Variants in LRFN5 observed in about 807,000 individuals in gnomAD.
The protein encoded by LRFN5 is leucine-rich repeat and fibronectin type-III domain-containing protein 5.
In LRFN5, 24 loss-of-function variants were observed where a neutral mutation model predicts 45.6. The observed-to-expected ratio is 0.53, with a 90% confidence interval of 0.38 to 0.74. The LOEUF (loss-of-function observed/expected upper bound fraction) is 0.74. Ranked by LOEUF, LRFN5 falls within the 30% of genes least tolerant of loss-of-function variation. The pLI, the probability that LRFN5 is intolerant of heterozygous loss-of-function variation, is 0.00. For synonymous variants in LRFN5, 340 were observed against 313.8 expected (o/e 1.08, Z -0.88); for missense variants, 776 against 861.5 (o/e 0.90, Z 1.24).
intron 2 of LRFN5, among the ~76,000 whole-genome samples, chr14:41,788,510 C>G (rs777320395): frequency 2.6e-5 from 4 of 151,688 alleles, no homozygotes; most frequent in Non-Finnish European, 5.9e-5. Context: ...TCTGCCTTTC[C>G]TCTATTTACA....
intron 1 of LRFN5, among the ~76,000 whole-genome samples, chr14:41,659,456 G>A (rs959445453): frequency 2.6e-5 from 4 of 152,062 alleles, no homozygotes; most frequent in African/African-American, 9.7e-5. Flanking sequence ...TATCATTGAT[G>A]GGCATTTGGG....
chr14:41,781,707 AAAG>A (rs1444589004), intron 2 of LRFN5, among the ~76,000 whole-genome samples: 1 of 150,680 alleles, frequency 6.6e-6, no homozygotes, highest in African/African-American at 2.4e-5. Context: ...AGAGAAAGAA[AAAG>A]AGAGAGAGGA....
chr14:41,886,887 A>C lies in LRFN5; in HGVS notation c.262A>C (p.Ser88Arg). The change falls in exon 3 of 6, where the codon AGT becomes CGT. Residue 88 changes from serine (S) to arginine (R), a missense_variant. Ser to Arg is a moderately radical substitution (Grantham distance 110). This residue lies in a region of LRFN5 where 311 missense variants were observed against 405.1 expected (regional missense o/e 0.77). Coordinates refer to ENST00000298119, the MANE Select transcript of LRFN5 (RefSeq NM_152447.5). ...VDLTLSRNTI[S>R]FITPHAFADL... The stretch of plus-strand genomic sequence containing the variant: ...CCTGACTCTATCCAGGAATACAATA[A>C]GTTTTATTACACCTCATGCTTTCGC... The C allele has an allele frequency of 1.2e-6, 2 of 1,614,212 alleles. No homozygotes were observed. The highest frequency in any genetic ancestry group is 8.5e-7 in the Non-Finnish European group (1 of 1,180,026).
intron 2 of LRFN5, among the ~76,000 whole-genome samples, chr14:41,820,052 C>A (rs1888060854): frequency 6.6e-6 from 1 of 150,952 alleles, no homozygotes; most frequent in Admixed American, 6.6e-5. Context: ...CAAATATGTT[C>A]TCCCATTCTG....
At chr14:41,764,032 A>C (rs969362465) in intron 1 of LRFN5, among the ~76,000 whole-genome samples, 2 of 152,210 alleles carry the variant, frequency 1.3e-5, no homozygotes, top group African/African-American at 4.8e-5. Flanking sequence ...TCAACAAAAA[A>C]AAATCTTTGT....
chr14:41,827,482 T>A (rs4506804), intron 2 of LRFN5, among the ~76,000 whole-genome samples: 18 of 151,630 alleles, frequency 1.2e-4, no homozygotes, highest in Admixed American at 4.6e-4. Flanking sequence ...TTTTATTTGC[T>A]AGAGGAAATA....
chr14:41,785,143 T>C (rs1278674152), intron 2 of LRFN5, among the ~76,000 whole-genome samples: 3 of 152,154 alleles, frequency 2.0e-5, no homozygotes, highest in Non-Finnish European at 4.4e-5. Flanking sequence ...TTATATTGTT[T>C]GCATTTTTGA....
chr14:41,615,925 T>C (rs1296107917), intron 1 of LRFN5, among the ~76,000 whole-genome samples: 1 of 152,144 alleles, frequency 6.6e-6, no homozygotes, highest in Non-Finnish European at 1.5e-5. Context: ...CTCAAGCATT[T>C]ATCTTTTGAA....
At chr14:41,635,848 A>G (rs1292817918) in intron 1 of LRFN5, among the ~76,000 whole-genome samples, 2 of 152,070 alleles carry the variant, frequency 1.3e-5, no homozygotes, top group African/African-American at 2.4e-5. Context: ...TCAAGGTGTT[A>G]TTATTAGATC....
At chr14:41,823,297 G>A (rs926936649) in intron 2 of LRFN5, among the ~76,000 whole-genome samples, 11 of 151,482 alleles carry the variant, frequency 7.3e-5, no homozygotes, top group African/African-American at 1.2e-4. Flanking sequence ...ATGTTTAGAC[G>A]TCCTTTGATC....
chr14:41,769,993 G>A (rs1488874017), intron 2 of LRFN5, among the ~76,000 whole-genome samples: 1 of 152,176 alleles, frequency 6.6e-6, no homozygotes, highest in Non-Finnish European at 1.5e-5. Context: ...TGTACAGGAA[G>A]TGTGGTGGTG....
chr14:41,665,199 T>C (rs576259030), intron 1 of LRFN5, among the ~76,000 whole-genome samples: 45 of 152,128 alleles, frequency 3.0e-4, no homozygotes, highest in African/African-American at 8.9e-4. Flanking sequence ...AATTGTTTTA[T>C]GCAAGAAGGT....
intron 1 of LRFN5, among the ~76,000 whole-genome samples, chr14:41,650,875 G>A (rs1306781723): frequency 9.3e-6 from 1 of 107,366 alleles, no homozygotes; most frequent in Non-Finnish European, 1.7e-5. Flanking sequence ...AAGCAACAAA[G>A]AGACAGAGAA....
At chr14:41,728,338 G>A (rs73307207) in intron 1 of LRFN5, among the ~76,000 whole-genome samples, 6,820 of 152,122 alleles carry the variant, frequency 0.045, 340 homozygotes, top group African/African-American at 0.12. Context: ...GAAAAGACTA[G>A]ATATAATTGC....
Position 41,635,253 on chromosome 14 carries a change from T to C in LRFN5, c.-197+26691T>C, listed in dbSNP as rs112454552. Among the ~76,000 whole-genome samples the C allele has an allele frequency of 6.3e-3, 960 of 152,286 alleles. 16 individuals are homozygous for C. The highest frequency in any genetic ancestry group is 0.022 in the African/African-American group (935 of 41,562). ...GACCTAGATACAGCCTTCAAAATGA[T>C]GAAAAATTAGAATGTGCTTTTGTAT... On this transcript the variant is annotated intron_variant, in intron 1 of 5. Transcript: ENST00000298119.
At chr14:41,746,323 T>A (rs983159982) in intron 1 of LRFN5, among the ~76,000 whole-genome samples, 1 of 151,612 alleles carries the variant, frequency 6.6e-6, no homozygotes, top group Non-Finnish European at 1.5e-5. Context: ...TACAAAACAC[T>A]CAAAGAATAG....
chr14:41,686,689 A>G (rs1353334644), intron 1 of LRFN5, among the ~76,000 whole-genome samples: 1 of 152,126 alleles, frequency 6.6e-6, no homozygotes, highest in Non-Finnish European at 1.5e-5. Flanking sequence ...AATTTTATCA[A>G]AGGCATTTTC....
intron 2 of LRFN5, among the ~76,000 whole-genome samples, chr14:41,845,661 T>G (rs1889036834): frequency 6.6e-6 from 1 of 152,134 alleles, no homozygotes; most frequent in African/African-American, 2.4e-5. Context: ...TATCATATAA[T>G]GTAATTTTAA....
intron 2 of LRFN5, among the ~76,000 whole-genome samples, chr14:41,791,474 A>G (rs915628763): frequency 1.4e-4 from 22 of 152,044 alleles, no homozygotes; most frequent in Non-Finnish European, 1.5e-5. Flanking sequence ...ATAGGTAACA[A>G]TGACTCAACT....
Sources: allele counts gnomAD v4.1 joint callset (sites outside exome capture counted in the v4.1 genomes callset), GRCh38; gene constraint gnomAD v4.1.1; regional missense constraint gnomAD v4.1.1; transcripts MANE v1.5; gene names NCBI Gene and HGNC (gene_info 2026-07-23, HGNC 2026-07-21).